MARCHF1: variants seen among roughly 807,000 people sequenced by gnomAD.
The protein encoded by MARCHF1 is membrane associated ring-CH-type finger 1, also known as E3 ubiquitin-protein ligase MARCHF1.
Under a neutral mutation model 54.2 loss-of-function variants are expected in MARCHF1, and 40 were observed. The observed-to-expected ratio is 0.74, with a 90% CI of 0.57 to 0.96. The LOEUF (loss-of-function observed/expected upper bound fraction) is 0.96, where lower values mean the gene tolerates loss of function less well. MARCHF1 is among the 40% of genes least tolerant of loss of function. MARCHF1 has a pLI of 0.00. For missense variants in MARCHF1, 586 were observed against 656.5 expected, an observed-to-expected ratio of 0.89 and a Z score of 1.17; for synonymous variants, 236 against 236.3, an observed-to-expected ratio of 1.00 and a Z score of 0.01.
rs778980245 is a variant in MARCHF1 at position 163,612,601 on chromosome 4, C to G, written c.680G>C (p.Ser227Thr). Residue 227 changes from serine (S) to threonine (T), a missense_variant, in exon 7 of 10, where the codon AGT (serine) becomes ACT (threonine). Physicochemically the swap from Ser to Thr is moderately conservative, Grantham distance 58 (BLOSUM62 1). Coordinates refer to ENST00000514618, the MANE Select transcript of MARCHF1 (RefSeq NM_001394959.1). ...TCCTCTGTGGAGATTTAAAGAGCAA[C>G]TCTCACATTCAATCAGCTCTTGTTG... ...KEQQELIECE[S>T]CSLNLHRGKH... The G allele has an allele frequency of 1.3e-6, 2 of 1,535,606 alleles. No individual in the cohort carries two copies. The highest frequency in any genetic ancestry group is 2.0e-5 in the Admixed American group (1 of 50,976).
chr4:163,989,842 T>C (rs1409056019), intron 2 of MARCHF1, among the ~76,000 whole-genome samples: 1 of 152,216 alleles, frequency 6.6e-6, no homozygotes, highest in East Asian at 1.9e-4. Flanking sequence ...GATCTCCCAC[T>C]GTTTTTTGTG....
chr4:164,209,086 A>T (rs910627172), intron 1 of MARCHF1, among the ~76,000 whole-genome samples: 4 of 151,666 alleles, frequency 2.6e-5, no homozygotes, highest in African/African-American at 9.7e-5. Flanking sequence ...CTTGTATTCT[A>T]AACATTAATT....
rs115935289 is a variant in MARCHF1 at position 164,009,661 on chromosome 4, C to G, written c.-247-20952G>C. Among the ~76,000 whole-genome samples the G allele has an allele frequency of 3.2e-3, 482 of 152,160 alleles. 3 individuals are homozygous for G. Among genetic ancestry groups the G allele is most frequent in the African/African-American group, 0.011 (464 of 41,528 alleles). ...CTTATACAAATCCATAAACATGATA[C>G]ATCACATTAACAGAATCAAGAAAAA... On this transcript the variant is annotated intron_variant, in intron 2 of 9. Coordinates refer to ENST00000514618, the MANE Select transcript of MARCHF1 (RefSeq NM_001394959.1).
intron 1 of MARCHF1, among the ~76,000 whole-genome samples, chr4:164,164,630 G>A (rs542568736): frequency 2.0e-5 from 3 of 152,102 alleles, no homozygotes; most frequent in East Asian, 1.9e-4. Context: ...CAATGTCTAT[G>A]CAAATAATTT....
intron 3 of MARCHF1, among the ~76,000 whole-genome samples, chr4:163,914,446 C>T (rs577070407): frequency 6.6e-6 from 1 of 152,034 alleles, no homozygotes; most frequent in Admixed American, 6.6e-5. Flanking sequence ...ATTAAATATA[C>T]ATTTCAATAA....
chr4:163,585,998 C>T (rs1321815320), intron 7 of MARCHF1, 69 bp from the exon 8 acceptor site: 1 of 1,374,464 alleles, frequency 7.3e-7, no homozygotes, highest in East Asian at 2.4e-5. Context: ...TATTTCTGCC[C>T]TTGCTTATAC....
chr4:163,557,964 A>C (rs1380516078), intron 8 of MARCHF1, among the ~76,000 whole-genome samples: 1 of 152,230 alleles, frequency 6.6e-6, no homozygotes, highest in Non-Finnish European at 1.5e-5. Context: ...TTCCCATTTA[A>C]ACATCTCCTT....
At chr4:164,149,983 T>A (rs1392319048) in intron 1 of MARCHF1, among the ~76,000 whole-genome samples, 1 of 152,178 alleles carries the variant, frequency 6.6e-6, no homozygotes, top group Non-Finnish European at 1.5e-5. Context: ...TGTTACTCAA[T>A]AGGATAAATT....
intron 1 of MARCHF1, among the ~76,000 whole-genome samples, chr4:164,212,758 A>T (rs1228345941): frequency 6.6e-6 from 1 of 152,082 alleles, no homozygotes; most frequent in Non-Finnish European, 1.5e-5. Flanking sequence ...TGAATCCAAG[A>T]TGCTAAGAAT....
Position 163,823,836 on chromosome 4 carries a change from C to A in MARCHF1, c.111+30185G>T, listed in dbSNP as rs374358883. Reference sequence around the variant, plus strand: ...TATTTTTTTCTAAATTTAATAAAACCATAGTCAATGTGCTTTGAGACAAAA... The same window carrying A: ...TATTTTTTTCTAAATTTAATAAAACAATAGTCAATGTGCTTTGAGACAAAA... On this transcript the variant is annotated intron_variant, in intron 4 of 9. Coordinates refer to ENST00000514618, the MANE Select transcript of MARCHF1 (RefSeq NM_001394959.1). 1.3e-4 allele frequency among the ~76,000 whole-genome samples: 19 copies of A among 151,598 alleles called. 1 individual carries two copies. The highest frequency in any genetic ancestry group is 4.6e-4 in the African/African-American group (19 of 41,396).
At chr4:163,734,168 T>C (rs1443678951) in intron 4 of MARCHF1, among the ~76,000 whole-genome samples, 1 of 152,134 alleles carries the variant, frequency 6.6e-6, no homozygotes, top group Non-Finnish European at 1.5e-5. Context: ...CAAAAAGACT[T>C]GACCATTACA....
At chr4:163,858,752 C>T (rs1749838398) in intron 3 of MARCHF1, among the ~76,000 whole-genome samples, 1 of 152,200 alleles carries the variant, frequency 6.6e-6, no homozygotes, top group Non-Finnish European at 1.5e-5. Context: ...TCATGCCTAT[C>T]ACTCACATTT....
chr4:164,070,653 T>A (rs1281364676), intron 2 of MARCHF1, among the ~76,000 whole-genome samples: 1 of 152,220 alleles, frequency 6.6e-6, no homozygotes, highest in Admixed American at 6.5e-5. Context: ...CTATAGGTTA[T>A]TCATTTTGGA....
intron 1 of MARCHF1, among the ~76,000 whole-genome samples, chr4:164,221,931 T>C (rs1259297356): frequency 6.6e-6 from 1 of 151,992 alleles, no homozygotes; most frequent in African/African-American, 2.4e-5. Context: ...TGAACCACTT[T>C]TCTTAAGTTC....
In MARCHF1 at chr4:163,733,201, A is replaced by ATATACATACACATG. The variant is rs1554008839; in HGVS notation, c.112-32339_112-32338insCATGTGTATGTATA. Among the ~76,000 whole-genome samples, 232 of 34,256 alleles carry ATATACATACACATG rather than the reference A, an allele frequency of 6.8e-3. 16 individuals carry two copies. Among genetic ancestry groups the ATATACATACACATG allele is most frequent in the African/African-American group, 0.019 (217 of 11,302 alleles). The allele number at this position is 34,256 out of a possible 152,430, so 22.5% of individuals were successfully genotyped here. A position where few individuals can be genotyped will look rare whatever the true frequency, so the allele number is the denominator to read the frequency against. Reference sequence around the variant, plus strand: ...TGTATATATATATATATATATATATATATATATATATATATATATACACGT... The same window carrying ATATACATACACATG: ...TGTATATATATATATATATATATATATATACATACACATGTATATATATATATATATATACACGT... On this transcript the variant is annotated intron_variant, in intron 4 of 9. Transcript: ENST00000514618.
At chr4:163,993,577 G>T (rs1365217456) in intron 2 of MARCHF1, among the ~76,000 whole-genome samples, 1 of 152,062 alleles carries the variant, frequency 6.6e-6, no homozygotes, top group Non-Finnish European at 1.5e-5. Context: ...GTCTGTTGGA[G>T]AATCAATAGC....
chr4:164,100,376 G>C (rs1413817539), intron 2 of MARCHF1, among the ~76,000 whole-genome samples: 1 of 152,200 alleles, frequency 6.6e-6, no homozygotes, highest in Non-Finnish European at 1.5e-5. Flanking sequence ...TCTTCTCATA[G>C]ACATATCCAA....
intron 1 of MARCHF1, among the ~76,000 whole-genome samples, chr4:164,370,017 G>T (rs1476689007): frequency 1.3e-5 from 2 of 152,064 alleles, no homozygotes; most frequent in African/African-American, 4.8e-5. Flanking sequence ...AAAAACCTAA[G>T]CAAGATCTTC....
chr4:163,827,968 T>C (rs114874240), intron 4 of MARCHF1, among the ~76,000 whole-genome samples: 4 of 150,878 alleles, frequency 2.7e-5, no homozygotes, highest in Admixed American at 1.3e-4. Flanking sequence ...TGATTTAAGA[T>C]GACGGACAGA....
Sources: gnomAD v4.1 joint callset for allele counts (sites outside exome capture counted in the v4.1 genomes callset) on GRCh38, gnomAD v4.1.1 for gene constraint, MANE v1.5 for transcripts, NCBI Gene and HGNC (gene_info 2026-07-23, HGNC 2026-07-21) for gene names.